TEX9: variants seen among roughly 807,000 people sequenced by gnomAD.
The protein encoded by TEX9 is testis expressed 9, also known as testis-expressed protein 9.
Under a neutral mutation model 59.6 loss-of-function variants are expected in TEX9, and 74 were observed. The ratio of observed to expected loss-of-function variants is 1.24; its 90% CI spans 1.03 to 1.51. The LOEUF (loss-of-function observed/expected upper bound fraction) is 1.51. Ranked by LOEUF, TEX9 falls within the 40% of genes most tolerant of loss-of-function variation. TEX9 has a pLI of 0.00. For missense variants in TEX9, 522 were observed against 447.8 expected, an observed-to-expected ratio of 1.17 and a Z score of -1.49; for synonymous variants, 186 against 152.2, an observed-to-expected ratio of 1.22 and a Z score of -1.64.
chr15:56,363,346 C>G (rs1284582218), upstream of TEX9, among the ~76,000 whole-genome samples: 4 of 151,372 alleles, frequency 2.6e-5, no homozygotes, highest in Non-Finnish European at 5.9e-5. Context: ...CTCACTGCAA[C>G]TTCTATCTCC....
At chr15:56,333,571 G>A (rs2046201461) in intron 1 of TEX9, among the ~76,000 whole-genome samples, 1 of 151,120 alleles carries the variant, frequency 6.6e-6, no homozygotes, top group East Asian at 1.9e-4. Context: ...AGTATATCAC[G>A]CTGAATGGGA....
rs544866246 is a variant in TEX9 at position 56,422,056 on chromosome 15, T to C, written c.964-5549T>C. On this transcript the variant is annotated intron_variant, in intron 10 of 12. Coordinates refer to ENST00000352903, the Ensembl canonical transcript of TEX9. ...GGAATCGCCACACTGACTTCCACAA[T>C]GGTTGAACTAGTTTACAGTCCCACC... Among the ~76,000 whole-genome samples the C allele has an allele frequency of 4.0e-4, 53 of 134,086 alleles. 1 individual carries two copies. In the South Asian group the frequency reaches 0.012, roughly 31 times the overall value. The allele number at this position is 134,086 out of a possible 152,430, so 88.0% of individuals were successfully genotyped here. A position where few individuals can be genotyped will look rare whatever the true frequency, so the allele number is the denominator to read the frequency against.
rs149345088 is a variant in TEX9 at position 56,439,130 on chromosome 15, C to T, written c.*30-6541C>T. ...AGATAAACACAAAAATATCAATTCA[C>T]TAGCAACGAGTACACGGACACCAAA... On this transcript the variant is annotated intron_variant, in intron 12 of 12. Coordinates refer to ENST00000352903, the Ensembl canonical transcript of TEX9. Among the ~76,000 whole-genome samples the T allele has an allele frequency of 1.0e-3, 156 of 152,256 alleles. 1 individual carries two copies. The highest frequency in any genetic ancestry group is 3.6e-3 in the African/African-American group (149 of 41,562).
intron 1 of TEX9, among the ~76,000 whole-genome samples, chr15:56,339,240 G>C (rs1169562897): frequency 6.6e-6 from 1 of 151,366 alleles, no homozygotes; most frequent in Middle Eastern, 3.4e-3. Flanking sequence ...AAAATTAGCC[G>C]GGTGTGGTGG....
intron 2 of TEX9, among the ~76,000 whole-genome samples, chr15:56,368,965 G>GT (rs2047067403): frequency 1.3e-5 from 2 of 151,624 alleles, no homozygotes; most frequent in South Asian, 4.2e-4. Flanking sequence ...TTGTTTTTTA[G>GT]TTTATTTACC....
At chr15:56,369,002 A>T (rs1016839719) in intron 2 of TEX9, among the ~76,000 whole-genome samples, 4 of 151,964 alleles carry the variant, frequency 2.6e-5, no homozygotes, top group African/African-American at 9.7e-5. Context: ...TTATTTCTTA[A>T]TAAATATATT....
chr15:56,315,639 T>C (rs2045736852), intron 1 of TEX9, among the ~76,000 whole-genome samples: 1 of 146,306 alleles, frequency 6.8e-6, no homozygotes, highest in African/African-American at 2.5e-5. Context: ...TTGGAGTTGC[T>C]CTTCTCGAGG....
intron 10 of TEX9, among the ~76,000 whole-genome samples, chr15:56,418,211 C>T (rs767199684): frequency 6.6e-6 from 1 of 151,742 alleles, no homozygotes; most frequent in Non-Finnish European, 1.5e-5. Context: ...TGGATTTGAT[C>T]GTGCTGTTGT....
intron 9 of TEX9, among the ~76,000 whole-genome samples, chr15:56,402,602 A>G (rs2048852296): frequency 6.6e-6 from 1 of 152,244 alleles, no homozygotes; most frequent in South Asian, 2.1e-4. Flanking sequence ...GTTCCAATCA[A>G]TAGAAAAAGA....
rs148863707 is a variant in TEX9, at chr15:56,341,575, G to A, written c.-106-31866G>A. 3.3e-3 allele frequency among the ~76,000 whole-genome samples: 502 copies of A among 152,162 alleles called. 4 individuals carry two copies. The highest frequency in any genetic ancestry group is 0.011 in the African/African-American group (477 of 41,504). On this transcript the variant is annotated intron_variant, in intron 1 of 5. Coordinates refer to the TEX9 transcript ENST00000560827. ...GCTGACACAGGGATTCAGGTAGAAG[G>A]GAATTGAGGGAGTGTACTTCAGGGG...
At chr15:56,431,413 A>G in intron 12 of TEX9, 1 of 1,613,540 alleles carries the variant, frequency 6.2e-7, no homozygotes, top group Non-Finnish European at 8.5e-7. Context: ...ATGCTCTTTA[A>G]GAAGTTTTAG....
chr15:56,276,553 C>T (rs2044673294), intron 1 of TEX9, among the ~76,000 whole-genome samples: 1 of 152,060 alleles, frequency 6.6e-6, no homozygotes, highest in South Asian at 2.1e-4. Context: ...GAATATGTGC[C>T]ACATTTTCTT....
chr15:56,331,107 A>T (rs1438456732), intron 1 of TEX9, among the ~76,000 whole-genome samples: 1 of 152,182 alleles, frequency 6.6e-6, no homozygotes, highest in Non-Finnish European at 1.5e-5. Context: ...AGATAAAACA[A>T]TTTTGAATAT....
chr15:56,414,051 G>A (rs1200744409), intron 10 of TEX9, among the ~76,000 whole-genome samples: 3 of 151,714 alleles, frequency 2.0e-5, no homozygotes, highest in African/African-American at 4.9e-5. Flanking sequence ...CATGTTATTC[G>A]AGTATTATTT....
rs144224760 is a variant in TEX9 at position 56,247,681 on chromosome 15, G to A, written c.-107+3403G>A. Among the ~76,000 whole-genome samples, 402 of 152,232 alleles carry A rather than the reference G, an allele frequency of 2.6e-3. 4 individuals carry two copies. The highest frequency in any genetic ancestry group is 9.2e-3 in the African/African-American group (382 of 41,512). On this transcript the variant is annotated intron_variant, in intron 1 of 5. Coordinates refer to the TEX9 transcript ENST00000560827. Reference sequence around the variant, plus strand: ...GTTACTTTGCATTATAGTTAGGATCGTTCTATCAAAGGAAGGCCTGAAAGT... The same window carrying A: ...GTTACTTTGCATTATAGTTAGGATCATTCTATCAAAGGAAGGCCTGAAAGT...
intron 1 of TEX9, among the ~76,000 whole-genome samples, chr15:56,353,492 T>A (rs34684027): frequency 0.3 from 45,378 of 152,124 alleles, 7,688 homozygotes; most frequent in Middle Eastern, 0.48. Context: ...AATTATAATC[T>A]ACAGCTTTCT....
intron 1 of TEX9, among the ~76,000 whole-genome samples, chr15:56,354,569 A>T (rs768601962): frequency 2.1e-4 from 32 of 152,244 alleles, no homozygotes; most frequent in Non-Finnish European, 4.1e-4. Context: ...TAATAATAAC[A>T]AAGTTTATTT....
At chr15:56,396,560 T>C (rs1458417661) in intron 9 of TEX9, 3 of 130,076 alleles carry the variant, frequency 2.3e-5, no homozygotes, top group Non-Finnish European at 4.7e-5. Flanking sequence ...ATATAGACTT[T>C]TGAATCTGTT....
intron 2 of TEX9, among the ~76,000 whole-genome samples, chr15:56,366,664 T>TA (rs1436985792): frequency 5.9e-5 from 9 of 152,194 alleles, no homozygotes; most frequent in African/African-American, 2.2e-4. Flanking sequence ...CATACCCTTA[T>TA]AAAAAAGTGC....
Sources: gnomAD v4.1 joint callset for allele counts (sites outside exome capture counted in the v4.1 genomes callset) on GRCh38, gnomAD v4.1.1 for gene constraint, MANE v1.5 for transcripts, NCBI Gene and HGNC (gene_info 2026-07-23, HGNC 2026-07-21) for gene names.